HECW2: variants seen among roughly 807,000 people sequenced by gnomAD.
HECW2 encodes the protein HECT, C2 and WW domain containing E3 ubiquitin protein ligase 2, also known as E3 ubiquitin-protein ligase HECW2.
HECW2 carries 61 observed loss-of-function variants against 175.2 expected under a neutral mutation model. The observed-to-expected ratio is 0.35, with a 90% CI of 0.28 to 0.43. HECW2 has a LOEUF of 0.43. Among genes scored for constraint, HECW2 ranks in the 20% least tolerant of loss-of-function variants. The probability of loss-of-function intolerance (pLI) is 1.00; values close to 1 mark genes in which losing one functional copy is unlikely to be tolerated. For synonymous variants in HECW2, 671 were observed against 731.0 expected (o/e 0.92, Z 1.32); for missense variants, 1,524 against 2,000.5 (o/e 0.76, Z 4.54).
chr2:196,437,170 G>GA (rs202139183), intron 1 of HECW2, among the ~76,000 whole-genome samples: 4,665 of 149,660 alleles, frequency 0.031, 92 homozygotes, highest in Middle Eastern at 0.074. Flanking sequence ...TAAAGAATTA[G>GA]AAAAAAAAAG....
At chr2:196,508,995 G>A (rs1213092231) in intron 1 of HECW2, among the ~76,000 whole-genome samples, 1 of 152,158 alleles carries the variant, frequency 6.6e-6, no homozygotes, top group Admixed American at 6.5e-5. Context: ...ATGAACCAGG[G>A]AAGCAGAGCT....
intron 13 of HECW2, among the ~76,000 whole-genome samples, chr2:196,292,992 A>G (rs1690661259): frequency 6.6e-6 from 1 of 152,138 alleles, no homozygotes. Context: ...TCTTTTTTTA[A>G]CTTTTATTTG....
At chr2:196,422,500 T>C (rs1695433429) in intron 2 of HECW2, among the ~76,000 whole-genome samples, 1 of 152,042 alleles carries the variant, frequency 6.6e-6, no homozygotes, top group East Asian at 1.9e-4. Flanking sequence ...CCTTTAATAA[T>C]CTAATATGGA....
intron 1 of HECW2, among the ~76,000 whole-genome samples, chr2:196,483,361 T>A (rs774338775): frequency 6.6e-6 from 1 of 152,190 alleles, no homozygotes; most frequent in Non-Finnish European, 1.5e-5. Context: ...GACTGCTCAC[T>A]GAAATAGAGA....
chr2:196,588,602 C>T (rs996964662), intron 1 of HECW2, among the ~76,000 whole-genome samples: 1 of 152,178 alleles, frequency 6.6e-6, no homozygotes, highest in African/African-American at 2.4e-5. Context: ...TTATTTCAAA[C>T]CTACAATTCA....
At chr2:196,514,172 G>A (rs987211302) in intron 1 of HECW2, among the ~76,000 whole-genome samples, 12 of 152,208 alleles carry the variant, frequency 7.9e-5, no homozygotes. Flanking sequence ...CAACTGCCCG[G>A]CCTCTCCCTG....
intron 5 of HECW2, among the ~76,000 whole-genome samples, chr2:196,327,967 G>A (rs1488998320): frequency 6.6e-6 from 1 of 152,090 alleles, no homozygotes; most frequent in Non-Finnish European, 1.5e-5. Context: ...TGTGTGTCAT[G>A]CTTAGAATGA....
At chr2:196,242,326 G>T in intron 19 of HECW2, 122 bp from the exon 20 acceptor site, 4 of 1,272,498 alleles carry the variant, frequency 3.1e-6, no homozygotes, top group Admixed American at 2.5e-5. Flanking sequence ...CTTAACTTCT[G>T]CATTTTTGAT....
chr2:196,326,231 A>G (rs921194977), intron 5 of HECW2, among the ~76,000 whole-genome samples: 1 of 152,156 alleles, frequency 6.6e-6, no homozygotes, highest in African/African-American at 2.4e-5. Flanking sequence ...CTGAAATACA[A>G]GGTCTTTCTT....
intron 17 of HECW2, among the ~76,000 whole-genome samples, chr2:196,262,748 C>G (rs1431093495): frequency 6.6e-6 from 1 of 151,898 alleles, no homozygotes; most frequent in Non-Finnish European, 1.5e-5. Flanking sequence ...GTATTTTTAG[C>G]GGAAATAGGG....
chr2:196,531,672 C>A (rs10208609), intron 1 of HECW2, among the ~76,000 whole-genome samples: 21,955 of 107,228 alleles, frequency 0.2, 3,396 homozygotes, highest in African/African-American at 0.53. Context: ...AAAAAAAAAA[C>A]AAAAAAAAAA....
At chr2:196,423,422 C>T (rs565366307) in intron 2 of HECW2, among the ~76,000 whole-genome samples, 39 of 152,170 alleles carry the variant, frequency 2.6e-4, no homozygotes, top group Middle Eastern at 6.8e-3. Flanking sequence ...CAATTGATAA[C>T]GTCAGAGCTT....
chr2:196,498,250 T>A (rs1687463963), intron 1 of HECW2, among the ~76,000 whole-genome samples: 1 of 152,224 alleles, frequency 6.6e-6, no homozygotes, highest in South Asian at 2.1e-4. Context: ...ATAACATAAG[T>A]GCTTTTTTCA....
intron 2 of HECW2, among the ~76,000 whole-genome samples, chr2:196,357,824 T>C (rs1037427804): frequency 1.3e-5 from 2 of 152,186 alleles, no homozygotes; most frequent in South Asian, 2.1e-4. Context: ...GCGAAGAAGG[T>C]ACCTGCTTCC....
intron 2 of HECW2, among the ~76,000 whole-genome samples, chr2:196,348,702 A>T (rs1693055195): frequency 1.3e-5 from 2 of 152,162 alleles, no homozygotes; most frequent in African/African-American, 4.8e-5. Context: ...ACAATTCTAA[A>T]TCCCCCACAT....
intron 8 of HECW2, 67 bp downstream of exon 8, chr2:196,320,272 C>T: frequency 2.2e-6 from 2 of 899,926 alleles, no homozygotes; most frequent in African/African-American, 3.3e-5. Context: ...AGCAAACTGA[C>T]AATCGAGTTA....
At chr2:196,249,880 T>A (rs1309379730) in intron 19 of HECW2, among the ~76,000 whole-genome samples, 1 of 152,180 alleles carries the variant, frequency 6.6e-6, no homozygotes, top group Non-Finnish European at 1.5e-5. Context: ...CTGCTAGCAA[T>A]TTAGATATAT....
chr2:196,457,541 A>C (rs1320030681), intron 1 of HECW2, among the ~76,000 whole-genome samples: 1 of 152,216 alleles, frequency 6.6e-6, no homozygotes, highest in Non-Finnish European at 1.5e-5. Context: ...ACTTTCCTCA[A>C]ACTGGGTCAG....
intron 2 of HECW2, among the ~76,000 whole-genome samples, chr2:196,419,641 A>G (rs1695355185): frequency 6.6e-6 from 1 of 152,082 alleles, no homozygotes; most frequent in Non-Finnish European, 1.5e-5. Context: ...GAGCTGATTC[A>G]TTTTTTATCC....
Sources: gnomAD v4.1 joint callset for allele counts (sites outside exome capture counted in the v4.1 genomes callset) on GRCh38, gnomAD v4.1.1 for gene constraint, MANE v1.5 for transcripts, NCBI Gene and HGNC (gene_info 2026-07-23, HGNC 2026-07-21) for gene names.